The following DVL1 variants were observed in gnomAD, a reference collection of about 807,000 sequenced individuals.
DVL1 encodes dishevelled segment polarity protein 1, also known as segment polarity protein dishevelled homolog DVL-1.
In DVL1, 49 loss-of-function variants were observed where a neutral mutation model predicts 65.0. The observed-to-expected ratio is 0.75, with a 90% confidence interval of 0.60 to 0.96. DVL1 has a LOEUF of 0.96. DVL1 is among the 40% of genes least tolerant of loss of function. The probability of loss-of-function intolerance (pLI) is 0.00; values close to 1 mark genes in which losing one functional copy is unlikely to be tolerated. For missense variants in DVL1, 1,197 were observed against 1,045.4 expected (o/e 1.15, Z -2.00); for synonymous variants, 608 against 433.9 (o/e 1.40, Z -4.99).
intron 2 of DVL1, 29 bp from the exon 3 acceptor site, chr1:1,342,513 A>C: frequency 6.2e-7 from 1 of 1,602,758 alleles, no homozygotes; most frequent in South Asian, 1.1e-5. Flanking sequence ...TGCTCAGGGG[A>C]GCCCACCCGC....
At chr1:1,343,256 AGCC>A (rs1374287019) in intron 1 of DVL1, among the ~76,000 whole-genome samples, 1 of 13,414 alleles carries the variant, frequency 7.5e-5, no homozygotes, top group Admixed American at 1.1e-3. Flanking sequence ...TGGGGCTTGG[AGCC>A]CCCCCCCCCC....
In DVL1 at chr1:1,340,491, G is replaced by C; in HGVS notation, c.618C>G (p.Ser206=). Residue 206 remains serine (S), a synonymous_variant, in exon 6 of 15, where the codon TCC becomes TCG. Coordinates refer to ENST00000378888, the MANE Select transcript of DVL1 (RefSeq NM_001330311.2). ...GTCTGGATGAGGTGCTCTGCTCCGT[G>C]GAGCTGCTGAGCCTGGGAACAGACT... is the stretch of plus-strand genomic sequence containing the variant. ...EDGSTSRLSS[S]TEQSTSSRLI... is the part of the protein sequence containing the mutation. 2 of 1,606,006 alleles carry C rather than the reference G, an allele frequency of 1.2e-6. No individual in the cohort carries two copies. Among genetic ancestry groups the C allele is most frequent in the Non-Finnish European group, 1.7e-6 (2 of 1,176,696 alleles).
At position 1,336,391 on chromosome 1, in the gene DVL1, C is replaced by T; in HGVS notation, c.1839G>A (p.Gly613=). ...CGGCCGGACGCTCTCGCCAGCTGCT[C>T]CCCACCCCACTCGGTGCCGTGTGAT... ...ESDHTAPSGV[G]SSWRERPAGQ... is the part of the protein sequence containing the mutation. Residue 613 remains glycine, a synonymous_variant, in exon 15 of 15, where the codon GGG becomes GGA. Transcript: ENST00000378888. 1 of 1,599,036 alleles carries T rather than the reference C, an allele frequency of 6.3e-7. No individual in the cohort carries two copies. Among genetic ancestry groups the T allele is most frequent in the Non-Finnish European group, 8.5e-7 (1 of 1,178,498 alleles).
chr1:1,341,631 A>G (rs571827783), intron 5 of DVL1, 36 bp downstream of exon 5: 13 of 1,568,434 alleles, frequency 8.3e-6, no homozygotes, highest in Non-Finnish European at 1.1e-5. Context: ...GCAAGTGGGC[A>G]CACAGGCATA....
intron 14 of DVL1, 43 bp downstream of exon 14, chr1:1,337,934 G>T: frequency 6.6e-7 from 1 of 1,521,730 alleles, no homozygotes; most frequent in Non-Finnish European, 9.0e-7. Flanking sequence ...GGGCGGAGCT[G>T]GGGGCGGAGC....
intron 1 of DVL1, among the ~76,000 whole-genome samples, chr1:1,347,247 T>C (rs1443063464): frequency 2.0e-5 from 3 of 152,138 alleles, no homozygotes; most frequent in East Asian, 3.9e-4. Flanking sequence ...CCCCTGTAAG[T>C]CTGCAGCCTC....
At chr1:1,336,887 C>T in intron 14 of DVL1, 1 of 677,580 alleles carries the variant, frequency 1.5e-6, no homozygotes, top group Non-Finnish European at 1.9e-6. Context: ...CCCACTGTCC[C>T]CCCGGCCCAG....
At chr1:1,342,314 C>T in intron 3 of DVL1, 49 bp downstream of exon 3, 1 of 1,523,912 alleles carries the variant, frequency 6.6e-7, no homozygotes, top group Non-Finnish European at 8.8e-7. Flanking sequence ...GCCAGCAACC[C>T]CCATGACAGG....
intron 13 of DVL1, 30 bp downstream of exon 13, chr1:1,338,239 C>T (rs370012293): frequency 6.3e-6 from 10 of 1,590,262 alleles, no homozygotes; most frequent in South Asian, 4.5e-5. Flanking sequence ...TCCCCTCCCC[C>T]CCGCCCTGAA....
chr1:1,349,144 C>T lies in DVL1; in HGVS notation c.-79G>A. The stretch of plus-strand genomic sequence containing the variant: ...CGCGGGGCGCTACCCGCCCGCCCGC[C>T]TGCGCCCCGCCCGGCCCGCACCGCT... On this transcript the variant is annotated 5_prime_UTR_variant, in exon 1 of 15. Coordinates refer to ENST00000378888, the MANE Select transcript of DVL1 (RefSeq NM_001330311.2). The surrounding 1 kb of genome is among the most constrained non-coding windows in gnomAD (Gnocchi z 4.1). The T allele has an allele frequency of 1.2e-6, 1 of 865,208 alleles. No homozygotes were observed. The highest frequency in any genetic ancestry group is 1.4e-6 in the Non-Finnish European group (1 of 722,276). The allele number at this position is 865,208 out of a possible 1,614,324, so 53.6% of individuals were successfully genotyped here.
chr1:1,340,983 T>G (rs140964625), intron 5 of DVL1, among the ~76,000 whole-genome samples: 2 of 122,604 alleles, frequency 1.6e-5, no homozygotes, highest in African/African-American at 6.3e-5. Flanking sequence ...CAGGCACACA[T>G]GCACACCTGC....
Position 1,342,503 on chromosome 1 carries a change from T to C in DVL1, c.241-19A>G, listed in dbSNP as rs1369912348. The C allele has an allele frequency of 2.5e-6, 4 of 1,606,870 alleles. No individual in the cohort carries two copies. Among genetic ancestry groups the C allele is most frequent in the Non-Finnish European group, 2.5e-6 (3 of 1,177,342 alleles). ...GGACCAGCTGTGGAGGGAGCAGGCA[T>C]GCTCAGGGGAGCCCACCCGCCTTCA... On this transcript the variant is annotated intron_variant, in intron 2 of 14. Coordinates refer to ENST00000378888, the MANE Select transcript of DVL1 (RefSeq NM_001330311.2).
In DVL1 at chr1:1,349,368, G is replaced by T. The variant is rs1198409565; in HGVS notation, c.-303C>A. 4 of 145,510 alleles carry T rather than the reference G, an allele frequency of 2.7e-5. No homozygotes were observed. The highest frequency in any genetic ancestry group is 6.1e-5 in the Non-Finnish European group (4 of 65,504). The allele number at this position is 145,510 out of a possible 1,614,324, so 9.0% of individuals were successfully genotyped here. A position where few individuals can be genotyped will look rare whatever the true frequency, so the allele number is the denominator to read the frequency against. On this transcript the variant is annotated 5_prime_UTR_variant, in exon 1 of 15. Coordinates refer to ENST00000378888, the MANE Select transcript of DVL1 (RefSeq NM_001330311.2). The surrounding 1 kb of genome is among the most constrained non-coding windows in gnomAD (Gnocchi z 4.1). ...CGCCGCCCTCCCGCCTGCGCCCCTC[G>T]GGCCGCGCCGTTAAAGGGACCGCCC...
At position 1,341,689 on chromosome 1, in the gene DVL1, C is replaced by T; in HGVS notation, c.583G>A (p.Asp195Asn). ...CACCTGCTCGTGCTGCCATCCTCGTCCGAGTCCACAAAGCTGCTGGACTCA... is the reference window on the plus strand; with the variant it reads ...CACCTGCTCGTGCTGCCATCCTCGTTCGAGTCCACAAAGCTGCTGGACTCA... Reference protein sequence around the residue: ...ELESSSFVDSDEDGSTSRLSS... With the variant: ...ELESSSFVDSNEDGSTSRLSS... Residue 195 changes from aspartate to asparagine, a missense_variant, in exon 5 of 15, where the codon GAC becomes AAC. Asp to Asn is a conservative substitution (Grantham distance 23). Transcript: ENST00000378888. 6.2e-7 allele frequency: 1 copy of T among 1,609,096 alleles called. No homozygotes were observed. Among genetic ancestry groups the T allele is most frequent in the Non-Finnish European group, 8.5e-7 (1 of 1,176,810 alleles).
At chr1:1,336,638 C>T (rs1643586375) in intron 14 of DVL1, 123 bp from the exon 15 acceptor site, 2 of 1,303,622 alleles carry the variant, frequency 1.5e-6, no homozygotes, top group Admixed American at 3.3e-5. Flanking sequence ...GTGGGTGGGG[C>T]AGCCATGCAG....
At position 1,342,171 on chromosome 1, in the gene DVL1, C is replaced by T. The variant is rs779313663; in HGVS notation, c.363-15G>A. The T allele has an allele frequency of 6.5e-7, 1 of 1,548,960 alleles. No homozygotes were observed. On this transcript the variant is annotated splice_polypyrimidine_tract_variant and intron_variant, in intron 3 of 14. Transcript: ENST00000378888. ...CCACATTTGGGCTGTGCAACAAGAGCAGGGTGGGTGGGGAGGCCGTGGCCC... is the reference window on the plus strand; with the variant it reads ...CCACATTTGGGCTGTGCAACAAGAGTAGGGTGGGTGGGGAGGCCGTGGCCC...
chr1:1,346,719 C>T (rs1483153967), intron 1 of DVL1, among the ~76,000 whole-genome samples: 5 of 152,224 alleles, frequency 3.3e-5, no homozygotes, highest in African/African-American at 1.2e-4. Flanking sequence ...GGCTGGGGAA[C>T]CAGGGCTGGG....
intron 1 of DVL1, among the ~76,000 whole-genome samples, chr1:1,343,282 A>T (rs1193581546): frequency 8.5e-6 from 1 of 117,016 alleles, no homozygotes; most frequent in Admixed American, 8.1e-5. Context: ...GGCTTCCCCC[A>T]CACTGGGACT....
Position 1,338,076 on chromosome 1 carries a change from G to A in DVL1, c.1615C>T (p.Pro539Ser). ...GGTGGGGGTCCCGGGTACTGGTAGGGGTAGCCCTGACCCAGAGGCCAGGGG... is the reference window on the plus strand; with the variant it reads ...GGTGGGGGTCCCGGGTACTGGTAGGAGTAGCCCTGACCCAGAGGCCAGGGG... ...AAPWPLGQGY[P>S]YQYPGPPPCF... The change falls in exon 14 of 15, where the codon CCC becomes TCC. Residue 539 changes from proline (P) to serine (S), a missense_variant. By Grantham distance (74) the Pro-to-Ser change is moderately conservative. Transcript: ENST00000378888. The A allele has an allele frequency of 4.3e-6, 7 of 1,610,802 alleles. No homozygotes were observed. Among genetic ancestry groups the A allele is most frequent in the Non-Finnish European group, 5.9e-6 (7 of 1,179,162 alleles).
Sources: gnomAD v4.1 joint callset for allele counts (sites outside exome capture counted in the v4.1 genomes callset) on GRCh38, gnomAD v4.1.1 for gene constraint, Gnocchi (gnomAD v3.1) non-coding constraint, MANE v1.5 for transcripts, NCBI Gene and HGNC (gene_info 2026-07-23, HGNC 2026-07-21) for gene names.